The following CCDC63 variants were observed in gnomAD, a reference collection of about 807,000 sequenced individuals.
CCDC63 encodes coiled-coil domain containing 63.
CCDC63 carries 54 observed loss-of-function variants against 63.6 expected under a neutral mutation model. The observed-to-expected ratio is 0.85, with a 90% CI of 0.68 to 1.07. CCDC63 has a LOEUF of 1.07. CCDC63 is among the 50% of genes least tolerant of loss of function. The probability of loss-of-function intolerance (pLI) is 0.00; values close to 1 mark genes in which losing one functional copy is unlikely to be tolerated. For synonymous variants in CCDC63, 253 were observed against 266.1 expected (o/e 0.95, Z 0.48); for missense variants, 637 against 689.6 (o/e 0.92, Z 0.86).
At chr12:110,891,183 T>C (rs1399909167) in intron 8 of CCDC63, among the ~76,000 whole-genome samples, 1 of 152,086 alleles carries the variant, frequency 6.6e-6, no homozygotes, top group African/African-American at 2.4e-5. Flanking sequence ...TGGTGGCTCA[T>C]GCCTGCAGTC....
chr12:110,858,621 A>G lies in CCDC63; in HGVS notation c.215A>G (p.Glu72Gly). ...AAGACCCTGAAGACAGAGCAGGATGAGATCACCCTACTGTTGAGTCTCATG... is the reference window on the plus strand; with the variant it reads ...AAGACCCTGAAGACAGAGCAGGATGGGATCACCCTACTGTTGAGTCTCATG... ...EIKTLKTEQD[E>G]ITLLLSLMKS... The change falls in exon 4 of 12, where the codon GAG (glutamate) becomes GGG (glycine). Residue 72 changes from glutamate to glycine, a missense_variant. Physicochemically the swap from Glu to Gly is moderately conservative, Grantham distance 98. Coordinates refer to ENST00000308208, the MANE Select transcript of CCDC63 (RefSeq NM_152591.3). The G allele has an allele frequency of 1.9e-6, 3 of 1,613,864 alleles. No individual in the cohort carries two copies. Among genetic ancestry groups the G allele is most frequent in the Non-Finnish European group, 2.5e-6 (3 of 1,179,896 alleles).
rs149836836 is a variant in CCDC63 at position 110,906,793 on chromosome 12, T to C, written c.1547-538T>C. ...CACCGCCCTTTCAGTTCCTAAAAGG[T>C]TGGGGGGAGAGGTGGGCCAAGCTGC... On this transcript the variant is annotated intron_variant, in intron 11 of 11. Transcript: ENST00000308208. Among the ~76,000 whole-genome samples the C allele has an allele frequency of 4.6e-3, 705 of 151,968 alleles. 14 individuals are homozygous for C. In the East Asian group the frequency reaches 0.054, roughly 12 times the overall value.
chr12:110,852,105 G>T (rs2070711461), intron 1 of CCDC63, among the ~76,000 whole-genome samples: 1 of 152,112 alleles, frequency 6.6e-6, no homozygotes, highest in Non-Finnish European at 1.5e-5. Context: ...GCTGTCCCTT[G>T]CTCTGAATAA....
chr12:110,883,538 G>A (rs2071236298), intron 7 of CCDC63, among the ~76,000 whole-genome samples: 1 of 152,192 alleles, frequency 6.6e-6, no homozygotes, highest in Admixed American at 6.5e-5. Context: ...TGAATGATGG[G>A]TGAAGCTTCT....
At chr12:110,897,586 A>G (rs1436780896) in intron 9 of CCDC63, among the ~76,000 whole-genome samples, 1 of 152,098 alleles carries the variant, frequency 6.6e-6, no homozygotes, top group Admixed American at 6.6e-5. Flanking sequence ...TGACAGAGCA[A>G]GACCCCAACT....
rs369236562 is a variant in CCDC63 at position 110,900,726 on chromosome 12, A to G, written c.1342+1601A>G. ...GTGATTCTCCTGCCTCAGCCCCCCA[A>G]GTAGCTGGGATTATAGGCACACGCC... is the stretch of plus-strand genomic sequence containing the variant. On this transcript the variant is annotated intron_variant, in intron 10 of 11. Transcript: ENST00000308208. Among the ~76,000 whole-genome samples, 10 of 152,106 alleles carry G rather than the reference A, an allele frequency of 6.6e-5. No individual in the cohort carries two copies. In the East Asian group the frequency reaches 1.4e-3, roughly 21 times the overall value.
At chr12:110,871,671 C>T (rs909912560) in intron 4 of CCDC63, among the ~76,000 whole-genome samples, 5 of 151,490 alleles carry the variant, frequency 3.3e-5, no homozygotes, top group African/African-American at 9.7e-5. Context: ...ATGAGGTGCA[C>T]GCGTCTTAAG....
intron 10 of CCDC63, among the ~76,000 whole-genome samples, chr12:110,900,195 A>G (rs1342840703): frequency 6.6e-6 from 1 of 152,194 alleles, no homozygotes; most frequent in Non-Finnish European, 1.5e-5. Flanking sequence ...CCTGGGTAAC[A>G]GAGCAAGACT....
intron 9 of CCDC63, among the ~76,000 whole-genome samples, chr12:110,895,666 G>T (rs942018607): frequency 5.9e-5 from 9 of 152,162 alleles, no homozygotes; most frequent in East Asian, 3.8e-4. Context: ...ACCTCTCTGA[G>T]CCTCAGTTTC....
At chr12:110,880,778 GATGGTGGTGATGATGA>G in intron 6 of CCDC63, among the ~76,000 whole-genome samples, 1 of 134,544 alleles carries the variant, frequency 7.4e-6, no homozygotes, top group Admixed American at 7.4e-5. Flanking sequence ...TGATAATGAT[GATGGTGGTGATGATGA>G]TGGTGACAAT....
intron 10 of CCDC63, among the ~76,000 whole-genome samples, chr12:110,904,004 A>G (rs1238305618): frequency 6.6e-6 from 1 of 152,150 alleles, no homozygotes; most frequent in Non-Finnish European, 1.5e-5. Flanking sequence ...TAACATTTTA[A>G]TATCATTGAG....
intron 9 of CCDC63, among the ~76,000 whole-genome samples, chr12:110,894,164 C>T (rs906483609): frequency 6.6e-5 from 10 of 151,788 alleles, no homozygotes; most frequent in African/African-American, 7.3e-5. Flanking sequence ...TAGATCCAGC[C>T]GTTGCATATA....
intron 8 of CCDC63, among the ~76,000 whole-genome samples, chr12:110,885,217 G>A (rs1005669454): frequency 1.8e-4 from 28 of 151,706 alleles, no homozygotes; most frequent in Admixed American, 1.2e-3. Context: ...ATGCAAGAGG[G>A]ACCTGCAAAG....
At chr12:110,904,145 T>C (rs916844329) in intron 10 of CCDC63, among the ~76,000 whole-genome samples, 1 of 152,012 alleles carries the variant, frequency 6.6e-6, no homozygotes, top group African/African-American at 2.4e-5. Context: ...CACTTGAGCC[T>C]AGGAGTTCAA....
rs774002638 is a variant in CCDC63, at chr12:110,852,798, C to T, written c.-96-61C>T. On this transcript the variant is annotated intron_variant, in intron 1 of 11. Coordinates refer to ENST00000308208, the MANE Select transcript of CCDC63 (RefSeq NM_152591.3). Reference sequence around the variant, plus strand: ...GCAGGGGGAGGGAGGAGGTGCCGTTCTGACCTGCACCCCCAGCAGGGGTGG... The same window carrying T: ...GCAGGGGGAGGGAGGAGGTGCCGTTTTGACCTGCACCCCCAGCAGGGGTGG... The T allele has an allele frequency of 9.9e-6, 11 of 1,109,996 alleles. No individual in the cohort carries two copies. In the African/African-American group the frequency reaches 1.5e-4, roughly 15 times the overall value. The allele number at this position is 1,109,996 out of a possible 1,614,324, so 68.8% of individuals were successfully genotyped here.
chr12:110,887,002 GTCTC>G (rs1249389659), intron 8 of CCDC63, among the ~76,000 whole-genome samples: 1 of 152,176 alleles, frequency 6.6e-6, no homozygotes, highest in Non-Finnish European at 1.5e-5. Context: ...CTGGTTCTCA[GTCTC>G]TCTATCTGTA....
chr12:110,906,304 G>A (rs1440233874), intron 11 of CCDC63, among the ~76,000 whole-genome samples: 2 of 131,658 alleles, frequency 1.5e-5, no homozygotes, highest in African/African-American at 5.9e-5. Context: ...AGGGAGGAAG[G>A]CTCAGAGGCA....
At chr12:110,880,508 A>G (rs1330382593) in intron 6 of CCDC63, among the ~76,000 whole-genome samples, 1 of 152,052 alleles carries the variant, frequency 6.6e-6, no homozygotes, top group African/African-American at 2.4e-5. Context: ...AAAGGCATAT[A>G]GTTTGGCTGT....
chr12:110,853,394 A>G lies in CCDC63; in HGVS notation c.10-11A>G, dbSNP rs1343521666. 5 of 1,605,048 alleles carry G rather than the reference A, an allele frequency of 3.1e-6. No homozygotes were observed. The East Asian group carries it at 1.1e-4, about 36-fold the overall frequency. On this transcript the variant is annotated splice_polypyrimidine_tract_variant and intron_variant, in intron 2 of 11. Coordinates refer to ENST00000308208, the MANE Select transcript of CCDC63 (RefSeq NM_152591.3). ...CCACTACGGCCTCCCACTCCTCTCC[A>G]TCTCCCCCAGTTGAAGAAGAACAGG...
Sources: gnomAD v4.1 joint callset for allele counts (sites outside exome capture counted in the v4.1 genomes callset) on GRCh38, gnomAD v4.1.1 for gene constraint, MANE v1.5 for transcripts, NCBI Gene and HGNC (gene_info 2026-07-23, HGNC 2026-07-21) for gene names.